KIF14: variants seen among roughly 807,000 people sequenced by gnomAD.
KIF14 encodes the protein kinesin-like protein KIF14.
In KIF14, 98 loss-of-function variants were observed where a neutral mutation model predicts 176.2. The observed-to-expected ratio is 0.56, with a 90% CI of 0.47 to 0.66. KIF14 has a LOEUF of 0.66. Among genes scored for constraint, KIF14 ranks in the 30% least tolerant of loss-of-function variants. The probability of loss-of-function intolerance (pLI) is 0.00; values close to 1 mark genes in which losing one functional copy is unlikely to be tolerated. For missense variants in KIF14, 1,751 were observed against 1,920.4 expected, an observed-to-expected ratio of 0.91 and a Z score of 1.65; for synonymous variants, 566 against 632.2, an observed-to-expected ratio of 0.90 and a Z score of 1.57.
At chr1:200,562,972 G>C (rs1348459283) in intron 25 of KIF14, among the ~76,000 whole-genome samples, 1 of 152,152 alleles carries the variant, frequency 6.6e-6, no homozygotes, top group African/African-American at 2.4e-5. Context: ...GAGATGTACA[G>C]GCTTATAAAT....
At chr1:200,608,198 T>A (rs914947613) in intron 5 of KIF14, among the ~76,000 whole-genome samples, 1 of 152,156 alleles carries the variant, frequency 6.6e-6, no homozygotes, top group Admixed American at 6.5e-5. Flanking sequence ...AAAGTTTTAC[T>A]ATGTTTTGGC....
chr1:200,590,071 A>G (rs1658973565), intron 17 of KIF14, 54 bp downstream of exon 17: 1 of 1,541,204 alleles, frequency 6.5e-7, no homozygotes, highest in Non-Finnish European at 8.7e-7. Context: ...TAGGCAACAC[A>G]TCACTTGGGG....
chr1:200,593,975 G>A (rs1293168575), intron 14 of KIF14, among the ~76,000 whole-genome samples: 1 of 115,918 alleles, frequency 8.6e-6, no homozygotes, highest in Non-Finnish European at 1.6e-5. Context: ...CTGTCGCCCA[G>A]GCTGGAGTGT....
rs1311012734 is a variant in KIF14 at position 200,617,992 on chromosome 1, C to T, written c.732G>A (p.Leu244=). 6.2e-6 allele frequency: 10 copies of T among 1,613,966 alleles called. No homozygotes were observed. The highest frequency in any genetic ancestry group is 8.5e-6 in the Non-Finnish European group (10 of 1,180,026). Residue 244 remains leucine (L), a synonymous_variant, in exon 2 of 30, where the codon TTG becomes TTA. Coordinates refer to ENST00000367350, the MANE Select transcript of KIF14 (RefSeq NM_014875.3). ...HLTTKPTQSK[L]DIKVLGTGNL... ...TTCCTGTTCCCAACACTTTGATATC[C>T]AACTTGCTCTGAGTAGGTTTCGTTG... is the stretch of plus-strand genomic sequence containing the variant.
intron 23 of KIF14, among the ~76,000 whole-genome samples, chr1:200,566,903 A>G (rs1273164941): frequency 6.6e-6 from 1 of 151,866 alleles, no homozygotes; most frequent in East Asian, 2.0e-4. Flanking sequence ...AGCCGGGCAC[A>G]GTGGCTCATG....
intron 6 of KIF14, 94 bp from the exon 7 acceptor site, chr1:200,605,988 T>C: frequency 1.6e-6 from 1 of 639,626 alleles, no homozygotes; most frequent in Non-Finnish European, 2.6e-6. Flanking sequence ...ATATTTACGC[T>C]GAAGATCACA....
In KIF14 at chr1:200,600,064, T is replaced by C. The variant is rs762513626; in HGVS notation, c.2350A>G (p.Thr784Ala). Residue 784 changes from threonine to alanine, a missense_variant, in exon 13 of 30, where the codon ACA (threonine) becomes GCA (alanine). Physicochemically the swap from Thr to Ala is moderately conservative, Grantham distance 58. Coordinates refer to ENST00000367350, the MANE Select transcript of KIF14 (RefSeq NM_014875.3). ...EQAEKRKLQE[T>A]KELQKAGIMF... ...TGAAATAATACCTGTAACTCTTTTGTTTCTTGAAGTTTTCTTTTTTCAGCT... is the reference window on the plus strand; with the variant it reads ...TGAAATAATACCTGTAACTCTTTTGCTTCTTGAAGTTTTCTTTTTTCAGCT... 18 of 1,587,852 alleles carry C rather than the reference T, an allele frequency of 1.1e-5. No individual in the cohort carries two copies. The highest frequency in any genetic ancestry group is 3.4e-5 in the Admixed American group (2 of 58,932).
chr1:200,568,019 G>A (rs1434506734), intron 23 of KIF14, among the ~76,000 whole-genome samples: 1 of 152,090 alleles, frequency 6.6e-6, no homozygotes, highest in Non-Finnish European at 1.5e-5. Flanking sequence ...ATTTTAGAAA[G>A]ACCTGCAAAA....
intron 24 of KIF14, 40 bp from the exon 25 acceptor site, chr1:200,565,293 C>T (rs1325840594): frequency 9.1e-6 from 14 of 1,543,608 alleles, no homozygotes; most frequent in Non-Finnish European, 1.2e-5. Flanking sequence ...GAAATATTAT[C>T]CAAATAAAAG....
chr1:200,615,333 T>C (rs756760848), intron 3 of KIF14, 22 bp downstream of exon 3: 5 of 1,599,426 alleles, frequency 3.1e-6, no homozygotes, highest in African/African-American at 2.7e-5. Context: ...TTCTGGATAA[T>C]TGCATTTCCA....
At chr1:200,593,548 G>T in intron 15 of KIF14, 119 bp downstream of exon 15, 1 of 712,000 alleles carries the variant, frequency 1.4e-6, no homozygotes, top group South Asian at 1.6e-5. Context: ...TTTTTGAAAT[G>T]AAAAAGTCCT....
chr1:200,611,510 C>T (rs77340823), intron 4 of KIF14, among the ~76,000 whole-genome samples: 1 of 152,080 alleles, frequency 6.6e-6, no homozygotes, highest in Non-Finnish European at 1.5e-5. Context: ...GGGATGGGGG[C>T]TGTCAGAATT....
chr1:200,564,345 C>T (rs1254290638), intron 25 of KIF14, among the ~76,000 whole-genome samples: 1 of 151,748 alleles, frequency 6.6e-6, no homozygotes, highest in African/African-American at 2.4e-5. Context: ...AGATGGGGCT[C>T]CTCCATAGTG....
At position 200,614,486 on chromosome 1, in the gene KIF14, G is replaced by A. The variant is rs1660308329; in HGVS notation, c.1368-81C>T. The A allele has an allele frequency of 6.3e-6, 5 of 792,272 alleles. No individual in the cohort carries two copies. The South Asian group carries it at 7.0e-5, about 11-fold the overall frequency. The allele number at this position is 792,272 out of a possible 1,614,324, so 49.1% of individuals were successfully genotyped here. On this transcript the variant is annotated intron_variant, in intron 3 of 29. Coordinates refer to ENST00000367350, the MANE Select transcript of KIF14 (RefSeq NM_014875.3). ...CTTTTTGGGGAAATAGGCTGGGAAG[G>A]GAGTAGGAAGCAAGTTCACTGAATC...
At chr1:200,559,063 A>T (rs1473762953) in intron 27 of KIF14, among the ~76,000 whole-genome samples, 1 of 152,034 alleles carries the variant, frequency 6.6e-6, no homozygotes, top group Non-Finnish European at 1.5e-5. Flanking sequence ...TCACTACCAC[A>T]CTCCACTCTC....
chr1:200,618,114 T>C lies in KIF14; in HGVS notation c.610A>G (p.Ser204Gly), dbSNP rs1432127225. The C allele has an allele frequency of 2.5e-6, 4 of 1,614,018 alleles. No individual in the cohort carries two copies. Among genetic ancestry groups the C allele is most frequent in the Admixed American group, 1.7e-5 (1 of 59,994 alleles). ...KKYKETFSAP[S>G]RANENVALKY... ...AGTGCAACATTTTCATTTGCTCTAC[T>C]GGGGGCAGAAAATGTTTCTTTGTAT... Residue 204 changes from serine to glycine, a missense_variant, in exon 2 of 30, where the codon AGT (serine) becomes GGT (glycine). By Grantham distance (56) the Ser-to-Gly change is moderately conservative. Coordinates refer to ENST00000367350, the MANE Select transcript of KIF14 (RefSeq NM_014875.3).
intron 23 of KIF14, 96 bp from the exon 24 acceptor site, chr1:200,565,765 A>C: frequency 6.5e-6 from 5 of 765,174 alleles, no homozygotes; most frequent in Non-Finnish European, 1.0e-5. Flanking sequence ...CTTCTGCATT[A>C]CTGAAATGTA....
chr1:200,565,342 T>TA, intron 24 of KIF14, 89 bp from the exon 25 acceptor site: 1 of 1,422,026 alleles, frequency 7.0e-7, no homozygotes, highest in Non-Finnish European at 9.6e-7. Flanking sequence ...TTAACACAGT[T>TA]AAAAGATGCA....
Position 200,552,150 on chromosome 1 carries a change from ATTC to A in KIF14, c.*1235_*1237del, listed in dbSNP as rs1247702848. On this transcript the variant is annotated 3_prime_UTR_variant, in exon 30 of 30. Coordinates refer to ENST00000367350, the MANE Select transcript of KIF14 (RefSeq NM_014875.3). ...TGAAAGGATCAGGTTATTTAAATGA[ATTC>A]TTCTTTTTTTTTCTTCTTTTTTTTT... 7 of 140,974 alleles carry A rather than the reference ATTC, an allele frequency of 5.0e-5. No individual in the cohort carries two copies. The highest frequency in any genetic ancestry group is 9.8e-5 in the African/African-American group (4 of 40,844). The allele number at this position is 140,974 out of a possible 1,614,324, so 8.7% of individuals were successfully genotyped here.
Sources: gnomAD v4.1 joint callset for allele counts (sites outside exome capture counted in the v4.1 genomes callset) on GRCh38, gnomAD v4.1.1 for gene constraint, MANE v1.5 for transcripts, NCBI Gene and HGNC (gene_info 2026-07-23, HGNC 2026-07-21) for gene names.